GRHL1: variants seen among roughly 807,000 people sequenced by gnomAD.
GRHL1 encodes the protein grainyhead like transcription factor 1, also known as grainyhead-like protein 1 homolog.
Under a neutral mutation model 75.7 loss-of-function variants are expected in GRHL1, and 38 were observed. The observed-to-expected ratio is 0.50, with a 90% CI of 0.39 to 0.66. The LOEUF (loss-of-function observed/expected upper bound fraction) is 0.66, where lower values mean the gene tolerates loss of function less well. GRHL1 is among the 30% of genes least tolerant of loss of function. The pLI is 0.00. For missense variants in GRHL1, 589 were observed against 767.5 expected (o/e 0.77, Z 2.75); for synonymous variants, 266 against 279.4 (o/e 0.95, Z 0.48).
At chr2:9,963,072 A>G (rs868675265) in intron 5 of GRHL1, among the ~76,000 whole-genome samples, 15 of 152,202 alleles carry the variant, frequency 9.9e-5, no homozygotes, top group Admixed American at 3.3e-4. Flanking sequence ...TACATGTGTT[A>G]TATTTTACAG....
In GRHL1 at chr2:9,968,380, T is replaced by A. The variant is rs1667574427; in HGVS notation, c.1110+2999T>A. 6.6e-6 allele frequency among the ~76,000 whole-genome samples: 1 copy of A among 152,224 alleles called. No individual in the cohort carries two copies. The highest frequency in any genetic ancestry group is 6.5e-5 in the Admixed American group (1 of 15,284). On this transcript the variant is annotated intron_variant, in intron 8 of 15. Transcript: ENST00000324907. This position sits in a 1 kb window ranked among gnomAD's most constrained non-coding sequence, Gnocchi z 4.7. The stretch of plus-strand genomic sequence containing the variant: ...GCAGAAATGTCTCAGAAACAGGCCC[T>A]TAGTGGGATTTGTCTGCTGTGTAGA...
intron 8 of GRHL1, among the ~76,000 whole-genome samples, chr2:9,984,709 A>G (rs1302605150): frequency 6.6e-6 from 1 of 152,134 alleles, no homozygotes; most frequent in Non-Finnish European, 1.5e-5. Flanking sequence ...GGCACATGCT[A>G]GCAGCTGGAG....
chr2:9,971,455 AAT>A (rs1444811140), intron 8 of GRHL1, among the ~76,000 whole-genome samples: 1 of 152,236 alleles, frequency 6.6e-6, no homozygotes, highest in African/African-American at 2.4e-5. Flanking sequence ...TTACTTTTAA[AAT>A]GAAGGAGAAG....
chr2:9,993,331 T>C, intron 12 of GRHL1, 87 bp downstream of exon 12: 3 of 1,084,164 alleles, frequency 2.8e-6, no homozygotes, highest in Non-Finnish European at 2.8e-6. Context: ...TACAAAGAAC[T>C]CATTTTTCCC....
intron 9 of GRHL1, among the ~76,000 whole-genome samples, chr2:9,989,794 C>T (rs2125239578): frequency 1.3e-5 from 2 of 152,318 alleles, no homozygotes; most frequent in Middle Eastern, 3.4e-3. Context: ...AAGGGATCCA[C>T]CCACCTCGGC....
rs1666953450 is a variant in GRHL1, at chr2:9,955,061, A to G, written c.167A>G (p.Asp56Gly). Residue 56 changes from aspartate to glycine, a missense_variant, in exon 2 of 16, where the codon GAC becomes GGC. Asp to Gly is a moderately conservative substitution (Grantham distance 94). Coordinates refer to ENST00000324907, the MANE Select transcript of GRHL1 (RefSeq NM_198182.3). The part of the protein sequence containing the change: ...KAMMSINGDE[D>G]SAAALGLLYD... ...ATGATGAGCATCAATGGAGATGAAG[A>G]CAGCGCCGCTGCGCTGGGCCTGCTC... 1 of 1,613,740 alleles carries G rather than the reference A, an allele frequency of 6.2e-7. No individual in the cohort carries two copies. Among genetic ancestry groups the G allele is most frequent in the African/African-American group, 1.3e-5 (1 of 74,930 alleles).
At chr2:9,978,022 T>C (rs1039200317) in intron 8 of GRHL1, among the ~76,000 whole-genome samples, 2 of 152,170 alleles carry the variant, frequency 1.3e-5, no homozygotes, top group Non-Finnish European at 2.9e-5. Flanking sequence ...GGGAAACCCC[T>C]TATAAAACCA....
rs372448798 is a variant in GRHL1 at position 9,984,978 on chromosome 2, G to A, written c.1111-1146G>A. Among the ~76,000 whole-genome samples, 6 of 151,852 alleles carry A rather than the reference G, an allele frequency of 4.0e-5. No homozygotes were observed. In the East Asian group the frequency reaches 5.8e-4, roughly 15 times the overall value. On this transcript the variant is annotated intron_variant, in intron 8 of 15. Coordinates refer to ENST00000324907, the MANE Select transcript of GRHL1 (RefSeq NM_198182.3). ...AGCTAGTTGGAAGGCTGAGGTGGGA[G>A]CATGGCTTGAATCCAGAAGGCAAAG...
rs554097850 is a variant in GRHL1 at position 9,998,853 on chromosome 2, CAT to C, written c.1678-104_1678-103del. 19 of 138,896 alleles carry C rather than the reference CAT, an allele frequency of 1.4e-4. 5 individuals carry two copies. Among genetic ancestry groups the C allele is most frequent in the Admixed American group, 2.9e-4 (2 of 6,886 alleles). 8.6% of individuals were successfully genotyped at this position (138,896 alleles called of 1,614,324 possible). On this transcript the variant is annotated intron_variant, in intron 14 of 15. Transcript: ENST00000324907. ...ATATATATACGTATATATATGTACACATATATATACGTATATATATGTACACA... is the reference window on the plus strand; with the variant it reads ...ATATATATACGTATATATATGTACACATATATACGTATATATATGTACACA...
Position 9,990,695 on chromosome 2 carries a change from G to A in GRHL1, c.1270-1G>A. On this transcript the variant is annotated splice_acceptor_variant, in intron 9 of 15. Transcript: ENST00000324907. LOFTEE classifies it high-confidence loss of function. The surrounding 1 kb of genome is among the most constrained non-coding windows in gnomAD (Gnocchi z 4.2). The stretch of plus-strand genomic sequence containing the variant: ...ATATCTTGTCTTCTCTTAACCTACA[G>A]GGAGCTGAGCGGAAAATCAGGGATG... 1 of 1,602,968 alleles carries A rather than the reference G, an allele frequency of 6.2e-7. No individual in the cohort carries two copies. The highest frequency in any genetic ancestry group is 8.5e-7 in the Non-Finnish European group (1 of 1,171,016).
chr2:9,993,805 C>T (rs1306873513), intron 12 of GRHL1, among the ~76,000 whole-genome samples: 1 of 152,234 alleles, frequency 6.6e-6, no homozygotes, highest in Admixed American at 6.5e-5. Context: ...CTGCCAGCTT[C>T]TCCACTGCAA....
intron 3 of GRHL1, 171 bp from the exon 4 acceptor site, chr2:9,960,875 T>C (rs1015676456): frequency 5.5e-6 from 3 of 549,506 alleles, no homozygotes; most frequent in Non-Finnish European, 9.6e-6. Flanking sequence ...ATTTGACCGA[T>C]AACCAGAAAG....
At chr2:9,962,606 T>C (rs41264179) in intron 5 of GRHL1, 75 bp downstream of exon 5, 56,854 of 866,856 alleles carry the variant, frequency 0.066, 2,173 homozygotes, top group Middle Eastern at 0.093. Context: ...ACTTGATAAA[T>C]CAAAGGTGGC....
chr2:9,997,667 C>T (rs1232309498), intron 14 of GRHL1, among the ~76,000 whole-genome samples: 1 of 151,584 alleles, frequency 6.6e-6, no homozygotes, highest in Non-Finnish European at 1.5e-5. Flanking sequence ...ACTAAAAATA[C>T]AAAAAATTAG....
In GRHL1 at chr2:9,998,449, T is replaced by TGTGTGTGTATATACAC. The variant is rs1491332420; in HGVS notation, c.1678-516_1678-515insGTGTGTGTATATACAC. 5.0e-5 allele frequency among the ~76,000 whole-genome samples: 4 copies of TGTGTGTGTATATACAC among 79,852 alleles called. 1 individual carries two copies. The highest frequency in any genetic ancestry group is 3.4e-4 in the South Asian group (1 of 2,924). The allele number at this position is 79,852 out of a possible 152,430, so 52.4% of individuals were successfully genotyped here. A position where few individuals can be genotyped will look rare whatever the true frequency, so the allele number is the denominator to read the frequency against. On this transcript the variant is annotated intron_variant, in intron 14 of 15. Coordinates refer to ENST00000324907, the MANE Select transcript of GRHL1 (RefSeq NM_198182.3). ...ATGTGTGTGTGTGTGTGTGTGTGTG[T>TGTGTGTGTATATACAC]ATATATATACATATATATACGTATA... is the stretch of plus-strand genomic sequence containing the variant.
chr2:9,957,631 G>C (rs1285843534), intron 2 of GRHL1, among the ~76,000 whole-genome samples: 2 of 151,796 alleles, frequency 1.3e-5, no homozygotes, highest in African/African-American at 4.8e-5. Flanking sequence ...GGATGGTCTC[G>C]ATCTCTTGAC....
In GRHL1 at chr2:9,953,588, A is replaced by G. The variant is rs548850651; in HGVS notation, c.21-1327A>G. ...CGTTTATGCCAAAACGTGAGTAAAA[A>G]CATTGGCTTTCAAATAACACTTCAT... On this transcript the variant is annotated intron_variant, in intron 1 of 15. Transcript: ENST00000324907. 2.0e-5 allele frequency among the ~76,000 whole-genome samples: 3 copies of G among 152,370 alleles called. No homozygotes were observed. In the East Asian group the frequency reaches 5.8e-4, roughly 29 times the overall value.
Position 9,961,289 on chromosome 2 carries a change from G to A in GRHL1, c.522G>A (p.Val174=). 6.2e-7 allele frequency: 1 copy of A among 1,614,176 alleles called. No homozygotes were observed. Among genetic ancestry groups the A allele is most frequent in the Non-Finnish European group, 8.5e-7 (1 of 1,180,040 alleles). ...HGFAVGIPPA[V]YHPEPTERVV... ...TCGCTGTGGGAATCCCCCCAGCAGT[G>A]TATCATCCTGAGCCCACTGAGCGGG... The change falls in exon 4 of 16, where the codon GTG becomes GTA. Residue 174 remains valine, a synonymous_variant. Transcript: ENST00000324907.
chr2:9,960,974 C>G, intron 3 of GRHL1, 72 bp from the exon 4 acceptor site: 1 of 1,222,626 alleles, frequency 8.2e-7, no homozygotes, highest in South Asian at 1.5e-5. Flanking sequence ...CAGCCCAATG[C>G]CATTAGGAAA....
Sources: gnomAD v4.1 joint callset for allele counts (sites outside exome capture counted in the v4.1 genomes callset) on GRCh38, gnomAD v4.1.1 for gene constraint, Gnocchi (gnomAD v3.1) non-coding constraint, MANE v1.5 for transcripts, NCBI Gene and HGNC (gene_info 2026-07-23, HGNC 2026-07-21) for gene names.